Variants in GLT1D1 observed in about 807,000 individuals in gnomAD.
GLT1D1 encodes glycosyltransferase 1 domain containing 1.
Under a neutral mutation model 28.7 loss-of-function variants are expected in GLT1D1, and 21 were observed. That is an observed-to-expected ratio of 0.73 (90% CI 0.52 to 1.05). The LOEUF (loss-of-function observed/expected upper bound fraction) is 1.05. Ranked by LOEUF, GLT1D1 falls within the 50% of genes least tolerant of loss-of-function variation. GLT1D1 has a pLI of 0.00. For synonymous variants in GLT1D1, 147 were observed against 124.8 expected (o/e 1.18, Z -1.19); for missense variants, 343 against 330.6 (o/e 1.04, Z -0.29).
At chr12:128,957,256 T>C (rs1466832322) in intron 6 of GLT1D1, among the ~76,000 whole-genome samples, 1 of 152,198 alleles carries the variant, frequency 6.6e-6, no homozygotes, top group Non-Finnish European at 1.5e-5. Context: ...AGGTGTCAAA[T>C]GAGCATTCAG....
At chr12:128,860,252 G>T (rs1026741313) in intron 1 of GLT1D1, among the ~76,000 whole-genome samples, 14 of 152,196 alleles carry the variant, frequency 9.2e-5, no homozygotes, top group Admixed American at 6.5e-4. Flanking sequence ...CCTGAGGTCA[G>T]GAGTTCAAGA....
rs1868665444 is a variant in GLT1D1 at position 128,888,620 on chromosome 12, G to C, written c.218-19G>C. The C allele has an allele frequency of 1.3e-6, 2 of 1,549,746 alleles. No individual in the cohort carries two copies. The highest frequency in any genetic ancestry group is 1.8e-6 in the Non-Finnish European group (2 of 1,123,940). On this transcript the variant is annotated intron_variant, in intron 2 of 7. Transcript: ENST00000281703. ...TTTTTAGGGCTAAATTCTGCTTTGT[G>C]ACTGTCATCGTTTTGCAGGCCACCG... is the stretch of plus-strand genomic sequence containing the variant.
chr12:128,919,060 G>A (rs1872389762), intron 4 of GLT1D1, among the ~76,000 whole-genome samples: 1 of 152,242 alleles, frequency 6.6e-6, no homozygotes, highest in Non-Finnish European at 1.5e-5. Flanking sequence ...CTTAAGGGTA[G>A]ATGTAGGATT....
At chr12:128,871,933 T>TA (rs1045332889) in intron 1 of GLT1D1, among the ~76,000 whole-genome samples, 4 of 152,048 alleles carry the variant, frequency 2.6e-5, no homozygotes, top group East Asian at 1.9e-4. Flanking sequence ...AATTTTTTTT[T>TA]AATTTATTTT....
At chr12:128,887,245 G>A (rs1452117930) in intron 2 of GLT1D1, among the ~76,000 whole-genome samples, 2 of 151,872 alleles carry the variant, frequency 1.3e-5, no homozygotes, top group East Asian at 1.9e-4. Context: ...TCAAACTCCC[G>A]GCCTCAGGTG....
intron 1 of GLT1D1, among the ~76,000 whole-genome samples, chr12:128,874,875 T>C (rs1566092336): frequency 4.6e-5 from 7 of 152,210 alleles, no homozygotes; most frequent in Admixed American, 2.6e-4. Flanking sequence ...CCTTTTTCTA[T>C]AGTAACAGTC....
intron 6 of GLT1D1, among the ~76,000 whole-genome samples, chr12:128,956,923 C>G (rs35273929): frequency 0.12 from 18,654 of 152,254 alleles, 1,344 homozygotes; most frequent in South Asian, 0.18. Context: ...GAAAGAGAAC[C>G]CGCAAAATGC....
chr12:128,861,520 A>G (rs992689838), intron 1 of GLT1D1, among the ~76,000 whole-genome samples: 3 of 152,220 alleles, frequency 2.0e-5, no homozygotes, highest in Non-Finnish European at 4.4e-5. Flanking sequence ...GGCCCAGAGC[A>G]GGGAAGCCCA....
intron 4 of GLT1D1, among the ~76,000 whole-genome samples, chr12:128,941,559 C>G (rs967536219): frequency 6.1e-5 from 9 of 147,598 alleles, no homozygotes; most frequent in Non-Finnish European, 1.3e-4. Context: ...TTCTTTCTCT[C>G]TCTCTTTCTC....
At chr12:128,950,963 C>T (rs779135561) in intron 6 of GLT1D1, among the ~76,000 whole-genome samples, 9 of 152,136 alleles carry the variant, frequency 5.9e-5, no homozygotes, top group South Asian at 2.1e-4. Flanking sequence ...CTGTATTGCA[C>T]GTCATGGCGA....
At chr12:128,909,155 G>A (rs1048299452) in intron 4 of GLT1D1, among the ~76,000 whole-genome samples, 2 of 151,956 alleles carry the variant, frequency 1.3e-5, no homozygotes, top group African/African-American at 4.8e-5. Flanking sequence ...AAAATGTTGT[G>A]AAGTGTTAGT....
chr12:128,938,875 G>A (rs1429305770), intron 4 of GLT1D1, among the ~76,000 whole-genome samples: 2 of 152,122 alleles, frequency 1.3e-5, no homozygotes, highest in African/African-American at 4.8e-5. Context: ...TCTATTCATT[G>A]TCGATAAGAC....
intron 4 of GLT1D1, among the ~76,000 whole-genome samples, chr12:128,902,769 C>G (rs1231608003): frequency 6.6e-6 from 1 of 151,292 alleles, no homozygotes; most frequent in South Asian, 2.1e-4. Flanking sequence ...AATTGCCAGG[C>G]GCAGTGGCTC....
intron 1 of GLT1D1, among the ~76,000 whole-genome samples, chr12:128,866,231 G>A (rs987008152): frequency 6.6e-6 from 1 of 151,798 alleles, no homozygotes; most frequent in Admixed American, 6.6e-5. Flanking sequence ...ACCATGCGTG[G>A]CTAATTTTTT....
intron 4 of GLT1D1, among the ~76,000 whole-genome samples, chr12:128,910,239 A>T (rs1871365270): frequency 6.7e-6 from 1 of 150,318 alleles, no homozygotes; most frequent in African/African-American, 2.4e-5. Flanking sequence ...CCTTCTGCTG[A>T]CAGAGCTGAG....
intron 2 of GLT1D1, among the ~76,000 whole-genome samples, chr12:128,881,239 A>C (rs1345434037): frequency 2.9e-5 from 4 of 138,588 alleles, no homozygotes; most frequent in Non-Finnish European, 1.6e-5. Flanking sequence ...AAAAAAAAAA[A>C]AAAAACTATA....
At chr12:128,952,533 C>A (rs12828671) in intron 6 of GLT1D1, among the ~76,000 whole-genome samples, 1 of 149,752 alleles carries the variant, frequency 6.7e-6, no homozygotes, top group Non-Finnish European at 1.5e-5. Context: ...AATAGCCGAT[C>A]TCGGCTCACC....
chr12:128,858,536 G>T (rs1010244716), intron 1 of GLT1D1, among the ~76,000 whole-genome samples: 4 of 152,116 alleles, frequency 2.6e-5, no homozygotes, highest in Non-Finnish European at 5.9e-5. Context: ...GCTGGGCGTG[G>T]TGGCACACAC....
chr12:128,893,234 G>T (rs1022252341), intron 3 of GLT1D1, among the ~76,000 whole-genome samples: 2 of 152,090 alleles, frequency 1.3e-5, no homozygotes, highest in Non-Finnish European at 2.9e-5. Context: ...GAAAGAGGGA[G>T]ACTCTGTCTC....
Sources: gnomAD v4.1 joint callset for allele counts (sites outside exome capture counted in the v4.1 genomes callset) on GRCh38, gnomAD v4.1.1 for gene constraint, MANE v1.5 for transcripts, NCBI Gene and HGNC (gene_info 2026-07-23, HGNC 2026-07-21) for gene names.